OPCML: variants seen among roughly 807,000 people sequenced by gnomAD.
OPCML encodes the protein opioid binding protein/cell adhesion molecule like.
In OPCML, 13 loss-of-function variants were observed where a neutral mutation model predicts 37.8. The ratio of observed to expected loss-of-function variants is 0.34; its 90% CI spans 0.22 to 0.55. OPCML has a LOEUF of 0.55. OPCML is among the 20% of genes least tolerant of loss of function. OPCML has a pLI of 0.91. For missense variants in OPCML, 341 were observed against 435.6 expected (o/e 0.78, Z 1.93); for synonymous variants, 176 against 168.8 (o/e 1.04, Z -0.33).
At chr11:132,806,528 A>T (rs1356850755) in intron 2 of OPCML, among the ~76,000 whole-genome samples, 1 of 152,170 alleles carries the variant, frequency 6.6e-6, no homozygotes, top group Non-Finnish European at 1.5e-5. Context: ...ATAGTGCATG[A>T]TAAAAGAGCA....
intron 3 of OPCML, among the ~76,000 whole-genome samples, chr11:132,536,798 A>G (rs2096341972): frequency 6.6e-6 from 1 of 152,220 alleles, no homozygotes; most frequent in Non-Finnish European, 1.5e-5. Flanking sequence ...CTCAAATAGT[A>G]TAATATTTTG....
intron 1 of OPCML, among the ~76,000 whole-genome samples, chr11:133,084,552 T>G (rs187613956): frequency 2.0e-5 from 3 of 152,128 alleles, no homozygotes; most frequent in African/African-American, 7.2e-5. Flanking sequence ...AAAATGAAAT[T>G]GAAGGATATT....
intron 1 of OPCML, among the ~76,000 whole-genome samples, chr11:133,082,086 G>A (rs1485346993): frequency 6.6e-6 from 1 of 151,980 alleles, no homozygotes; most frequent in African/African-American, 2.4e-5. Context: ...CCCTGAGACG[G>A]CCGGGGGTGA....
chr11:132,472,143 A>G (rs2096139902), intron 4 of OPCML, among the ~76,000 whole-genome samples: 2 of 152,218 alleles, frequency 1.3e-5, no homozygotes, highest in Admixed American at 6.5e-5. Flanking sequence ...TGTCACATAA[A>G]GGGAATATCC....
intron 3 of OPCML, among the ~76,000 whole-genome samples, chr11:132,540,709 AG>A (rs1463775356): frequency 6.6e-6 from 1 of 152,202 alleles, no homozygotes; most frequent in East Asian, 1.9e-4. Context: ...AATACATGCC[AG>A]GGGCTGGGTG....
intron 1 of OPCML, among the ~76,000 whole-genome samples, chr11:133,296,305 G>A (rs1473273120): frequency 6.6e-6 from 1 of 152,128 alleles, no homozygotes; most frequent in Non-Finnish European, 1.5e-5. Context: ...TTAGATTGAG[G>A]TCTGCAGTTA....
At chr11:133,095,720 G>A (rs1354418434) in intron 1 of OPCML, among the ~76,000 whole-genome samples, 1 of 150,368 alleles carries the variant, frequency 6.7e-6, no homozygotes, top group Admixed American at 6.6e-5. Flanking sequence ...AAAAATCAGA[G>A]GAAAAGACCA....
intron 1 of OPCML, among the ~76,000 whole-genome samples, chr11:133,526,671 C>G (rs958927013): frequency 6.6e-6 from 1 of 152,196 alleles, no homozygotes; most frequent in African/African-American, 2.4e-5. Flanking sequence ...GCAAGTGGAA[C>G]TACATCCATG....
intron 2 of OPCML, among the ~76,000 whole-genome samples, chr11:132,684,192 T>C (rs981521339): frequency 2.6e-5 from 4 of 152,232 alleles, no homozygotes; most frequent in South Asian, 2.1e-4. Context: ...TTAATACCAA[T>C]AACAATAATA....
chr11:133,470,463 T>A (rs1031763434), intron 1 of OPCML, among the ~76,000 whole-genome samples: 3 of 152,210 alleles, frequency 2.0e-5, no homozygotes, highest in African/African-American at 7.2e-5. Flanking sequence ...CCCATCCCTG[T>A]GACAGATGCA....
chr11:132,731,715 G>A lies in OPCML; in HGVS notation c.147-74396C>T, dbSNP rs575382704. On this transcript the variant is annotated intron_variant, in intron 2 of 7. Transcript: ENST00000524381. ...TTTTCCAGAAAATTAGACTGTTAAC[G>A]ATTTTTGAGTTGACTCTTGAAGATG... Among the ~76,000 whole-genome samples, 25 of 152,254 alleles carry A rather than the reference G, an allele frequency of 1.6e-4. No individual in the cohort carries two copies. The South Asian group carries it at 4.8e-3, about 29-fold the overall frequency.
rs374001465 is a variant in OPCML, at chr11:132,942,998, C to T, written c.74G>A (p.Arg25His). Reference protein sequence around the residue: ...ALLFIPGVPVRSGDATFPKAM... With the variant: ...ALLFIPGVPVHSGDATFPKAM... Reference sequence around the variant, plus strand: ...TTTGGGGAAGGTGGCATCTCCGCTGCGCACGGGCACTCCTGTGGGTACAAG... The same window carrying T: ...TTTGGGGAAGGTGGCATCTCCGCTGTGCACGGGCACTCCTGTGGGTACAAG... The change falls in exon 2 of 8, where the codon CGC (arginine) becomes CAC (histidine). Residue 25 changes from arginine (R) to histidine (H), a missense_variant. By Grantham distance (29) the Arg-to-His change is conservative. Coordinates refer to ENST00000524381, the MANE Select transcript of OPCML (RefSeq NM_001012393.5). 33 of 1,614,030 alleles carry T rather than the reference C, an allele frequency of 2.0e-5. No homozygotes were observed. The highest frequency in any genetic ancestry group is 2.5e-5 in the Non-Finnish European group (30 of 1,180,014).
At chr11:133,114,992 C>T (rs1171298924) in intron 1 of OPCML, among the ~76,000 whole-genome samples, 1 of 152,296 alleles carries the variant, frequency 6.6e-6, no homozygotes, top group South Asian at 2.1e-4. Context: ...GTATTTTGTG[C>T]TTTTGACTTA....
intron 1 of OPCML, chr11:133,117,988 A>G: frequency 1.1e-6 from 1 of 947,784 alleles, no homozygotes; most frequent in Non-Finnish European, 1.3e-6. Context: ...TGGAGGAGAC[A>G]TCAAATAGCA....
chr11:132,550,575 C>T (rs1368163610), intron 3 of OPCML, among the ~76,000 whole-genome samples: 3 of 152,212 alleles, frequency 2.0e-5, no homozygotes, highest in African/African-American at 7.2e-5. Context: ...AACTAAACTT[C>T]TTTTCTTTAT....
At chr11:132,733,186 C>T (rs3019868) in intron 2 of OPCML, among the ~76,000 whole-genome samples, 104,032 of 151,864 alleles carry the variant, frequency 0.69, 36,312 homozygotes, top group African/African-American at 0.8. Flanking sequence ...AGAAAGAAAA[C>T]AGAAGCCTTG....
At chr11:132,787,525 C>T (rs746430427) in intron 2 of OPCML, among the ~76,000 whole-genome samples, 21 of 151,624 alleles carry the variant, frequency 1.4e-4, no homozygotes, top group Admixed American at 2.6e-4. Context: ...GTGGCTTATT[C>T]AATAGGATTA....
chr11:132,905,244 T>G (rs978262176), intron 2 of OPCML, among the ~76,000 whole-genome samples: 1 of 142,146 alleles, frequency 7.0e-6, no homozygotes. Context: ...TTTTTTTTTT[T>G]TTTTTTGACA....
chr11:133,181,780 C>T (rs1208098043), intron 1 of OPCML, among the ~76,000 whole-genome samples: 1 of 152,168 alleles, frequency 6.6e-6, no homozygotes, highest in African/African-American at 2.4e-5. Flanking sequence ...TTTCACACTC[C>T]CTTTACTGGC....
Sources: allele counts gnomAD v4.1 joint callset (sites outside exome capture counted in the v4.1 genomes callset), GRCh38; gene constraint gnomAD v4.1.1; transcripts MANE v1.5; gene names NCBI Gene and HGNC (gene_info 2026-07-23, HGNC 2026-07-21).